The following PRKN variants were observed in gnomAD, a reference collection of about 807,000 sequenced individuals.
PRKN encodes the protein parkin RBR E3 ubiquitin protein ligase.
In PRKN, 56 loss-of-function variants were observed where a neutral mutation model predicts 59.5. The ratio of observed to expected loss-of-function variants is 0.94; its 90% CI spans 0.76 to 1.18. PRKN has a LOEUF of 1.18. Among genes scored for constraint, PRKN ranks in the 50% most tolerant of loss-of-function variants. PRKN has a pLI of 0.00. For missense variants in PRKN, 657 were observed against 596.4 expected (o/e 1.10, Z -1.06); for synonymous variants, 250 against 222.1 (o/e 1.13, Z -1.12).
At chr6:161,653,786 G>C (rs957058925) in intron 7 of PRKN, among the ~76,000 whole-genome samples, 5 of 152,190 alleles carry the variant, frequency 3.3e-5, no homozygotes, top group African/African-American at 1.2e-4. Flanking sequence ...TTAAGGGTAA[G>C]ATTCCAAAGA....
At chr6:162,234,711 C>T (rs1490719157) in intron 3 of PRKN, among the ~76,000 whole-genome samples, 1 of 152,114 alleles carries the variant, frequency 6.6e-6, no homozygotes, top group Middle Eastern at 3.2e-3. Context: ...TGCTTTTCCA[C>T]CAAGTATTTT....
At chr6:161,805,863 T>A (rs956018782) in intron 6 of PRKN, among the ~76,000 whole-genome samples, 1 of 152,144 alleles carries the variant, frequency 6.6e-6, no homozygotes, top group Non-Finnish European at 1.5e-5. Flanking sequence ...ATTTGCCCCA[T>A]GGGTCCACCT....
At chr6:162,160,890 C>CAAAAAAAAAAAA (rs56320816) in intron 4 of PRKN, among the ~76,000 whole-genome samples, 10 of 80,264 alleles carry the variant, frequency 1.2e-4, no homozygotes, top group African/African-American at 4.8e-4. Context: ...GACTCCGTCT[C>CAAAAAAAAAAAA]AAAAAAAAAA....
At chr6:162,540,549 C>T (rs1308083788) in intron 1 of PRKN, among the ~76,000 whole-genome samples, 1 of 151,892 alleles carries the variant, frequency 6.6e-6, no homozygotes, top group Admixed American at 6.6e-5. Context: ...GGCTCATGTC[C>T]GTAAGCCCAG....
At chr6:162,297,064 G>A (rs1403605605) in intron 2 of PRKN, among the ~76,000 whole-genome samples, 2 of 152,014 alleles carry the variant, frequency 1.3e-5, no homozygotes, top group South Asian at 2.1e-4. Context: ...AGGCCCAGTC[G>A]AAATTAATCC....
chr6:161,363,278 T>C lies in PRKN; in HGVS notation c.1168-3073A>G, dbSNP rs536597218. ...ACTGAGTATAAACTAAATATGTTTGTTATATTTAAATAAATAAATAAAGGT... is the reference window on the plus strand; with the variant it reads ...ACTGAGTATAAACTAAATATGTTTGCTATATTTAAATAAATAAATAAAGGT... On this transcript the variant is annotated intron_variant, in intron 10 of 11. Coordinates refer to ENST00000366898, the MANE Select transcript of PRKN (RefSeq NM_004562.3). The surrounding 1 kb of genome is among the most constrained non-coding windows in gnomAD (Gnocchi z 4.1). 6.6e-6 allele frequency among the ~76,000 whole-genome samples: 1 copy of C among 152,278 alleles called. No individual in the cohort carries two copies. Among genetic ancestry groups the C allele is most frequent in the South Asian group, 2.1e-4 (1 of 4,830 alleles).
At chr6:161,612,967 C>T (rs931030669) in intron 7 of PRKN, among the ~76,000 whole-genome samples, 2 of 152,078 alleles carry the variant, frequency 1.3e-5, no homozygotes, top group African/African-American at 2.4e-5. Context: ...TGTTTTCATG[C>T]CTGCTAACAC....
At chr6:161,964,853 C>T (rs561819778) in intron 6 of PRKN, among the ~76,000 whole-genome samples, 2 of 152,134 alleles carry the variant, frequency 1.3e-5, no homozygotes, top group African/African-American at 4.8e-5. Context: ...TTAAGAAAAT[C>T]TTAAGTTGAT....
intron 4 of PRKN, among the ~76,000 whole-genome samples, chr6:162,149,961 A>G (rs1322735994): frequency 6.6e-6 from 1 of 152,166 alleles, no homozygotes; most frequent in Non-Finnish European, 1.5e-5. Flanking sequence ...ACTGTATGGT[A>G]TAAAGACTCT....
intron 9 of PRKN, among the ~76,000 whole-genome samples, chr6:161,489,648 CTT>C (rs35040781): frequency 2.7e-5 from 4 of 150,122 alleles, no homozygotes; most frequent in Non-Finnish European, 4.5e-5. Flanking sequence ...ATACTTGGAA[CTT>C]TTTTTTTTAA....
At position 161,627,162 on chromosome 6, in the gene PRKN, G is replaced by A. The variant is rs771705554; in HGVS notation, c.872-57746C>T. On this transcript the variant is annotated intron_variant, in intron 7 of 11. Coordinates refer to ENST00000366898, the MANE Select transcript of PRKN (RefSeq NM_004562.3). Reference sequence around the variant, plus strand: ...CTGCTGAAGGAGGTACAGCATCGGAGAAAAGCCTAGGAAACAGAGGGCCCC... The same window carrying A: ...CTGCTGAAGGAGGTACAGCATCGGAAAAAAGCCTAGGAAACAGAGGGCCCC... Among the ~76,000 whole-genome samples the A allele has an allele frequency of 7.7e-4, 118 of 152,298 alleles. No individual in the cohort carries two copies. In the Middle Eastern group the frequency reaches 0.01, roughly 13 times the overall value.
At chr6:161,658,030 A>AAAAAAAAAAAAAAAAG (rs781518268) in intron 7 of PRKN, among the ~76,000 whole-genome samples, 1,487 of 104,400 alleles carry the variant, frequency 0.014, 3 homozygotes, top group Non-Finnish European at 0.021. Flanking sequence ...AAAAAAAAAA[A>AAAAAAAAAAAAAAAAG]AAAAGAAAAG....
intron 1 of PRKN, among the ~76,000 whole-genome samples, chr6:162,557,813 G>A (rs962614521): frequency 7.9e-5 from 12 of 152,158 alleles, no homozygotes; most frequent in African/African-American, 2.9e-4. Flanking sequence ...CTCGGCGGAT[G>A]GTGCTGTTAA....
chr6:162,042,184 C>G (rs1261514519), intron 5 of PRKN, among the ~76,000 whole-genome samples: 1 of 151,806 alleles, frequency 6.6e-6, no homozygotes, highest in Non-Finnish European at 1.5e-5. Flanking sequence ...AATACATTCA[C>G]AAGATGTTCA....
At chr6:162,688,514 A>T (rs1158073715) in intron 1 of PRKN, among the ~76,000 whole-genome samples, 1 of 152,240 alleles carries the variant, frequency 6.6e-6, no homozygotes, top group Non-Finnish European at 1.5e-5. Flanking sequence ...GATCAATAGT[A>T]CTAGATAATA....
In PRKN at chr6:161,373,000, G is replaced by A. The variant is rs570800915; in HGVS notation, c.1168-12795C>T. ...TTTAAAAAATATTTTTTGTAGAGAT[G>A]GGGTCTCACTTTGTTGCCCAGGCTG... On this transcript the variant is annotated intron_variant, in intron 10 of 11. Coordinates refer to ENST00000366898, the MANE Select transcript of PRKN (RefSeq NM_004562.3). This position sits in a 1 kb window ranked among gnomAD's most constrained non-coding sequence, Gnocchi z 4.2. Among the ~76,000 whole-genome samples, 1 of 151,906 alleles carries A rather than the reference G, an allele frequency of 6.6e-6. No individual in the cohort carries two copies. Among genetic ancestry groups the A allele is most frequent in the East Asian group, 1.9e-4 (1 of 5,162 alleles).
chr6:162,388,139 G>A (rs894446807), intron 2 of PRKN, among the ~76,000 whole-genome samples: 3 of 152,096 alleles, frequency 2.0e-5, no homozygotes, highest in East Asian at 1.9e-4. Context: ...TATGTTCTTC[G>A]GGCTGGCCCT....
intron 7 of PRKN, among the ~76,000 whole-genome samples, chr6:161,699,437 C>T (rs1462357523): frequency 1.3e-5 from 2 of 152,094 alleles, no homozygotes; most frequent in Admixed American, 6.6e-5. Flanking sequence ...ATGACCCAAA[C>T]GTCCACCAAC....
At chr6:162,582,371 A>C (rs1369003358) in intron 1 of PRKN, among the ~76,000 whole-genome samples, 2 of 152,226 alleles carry the variant, frequency 1.3e-5, no homozygotes, top group Non-Finnish European at 2.9e-5. Flanking sequence ...TGAAAGCTGA[A>C]TAAATGTTCT....
Sources: gnomAD v4.1 joint callset for allele counts (sites outside exome capture counted in the v4.1 genomes callset) on GRCh38, gnomAD v4.1.1 for gene constraint, Gnocchi (gnomAD v3.1) non-coding constraint, MANE v1.5 for transcripts, NCBI Gene and HGNC (gene_info 2026-07-23, HGNC 2026-07-21) for gene names.